Variants in ACCSL observed in about 807,000 individuals in gnomAD.
ACCSL encodes 1-aminocyclopropane-1-carboxylate synthase homolog (inactive) like.
Under a neutral mutation model 61.7 loss-of-function variants are expected in ACCSL, and 55 were observed. The observed-to-expected ratio is 0.89, with a 90% CI of 0.72 to 1.12. ACCSL has a LOEUF of 1.12. Among genes scored for constraint, ACCSL ranks in the 50% most tolerant of loss-of-function variants. The pLI, the probability that ACCSL is intolerant of heterozygous loss-of-function variation, is 0.00. For synonymous variants in ACCSL, 258 were observed against 264.3 expected (o/e 0.98, Z 0.23); for missense variants, 632 against 698.0 (o/e 0.91, Z 1.07).
the ACCSL span, among the ~76,000 whole-genome samples, chr11:44,011,664 C>T: frequency 1.3e-5 from 2 of 152,112 alleles, no homozygotes; most frequent in Admixed American, 1.3e-4. Context: ...TTTTTCTCCT[C>T]CCCAACCAAA....
rs755986502 is a variant in ACCSL at position 44,050,557 on chromosome 11, A to G, written c.570A>G (p.Gln190=). 1.7e-5 allele frequency: 27 copies of G among 1,614,030 alleles called. No individual in the cohort carries two copies. Among genetic ancestry groups the G allele is most frequent in the Non-Finnish European group, 2.2e-5 (26 of 1,179,984 alleles). ...LCMDLMTERL[Q]ESDMNCIEDT... ...CATGTTCTATTTGTCAACAGTTGCA[A>G]GAAAGTGACATGAACTGCATTGAGG... Residue 190 remains glutamine (Q), a synonymous_variant, in exon 3 of 14, where the codon CAA becomes CAG. Transcript: ENST00000378832.
At chr11:43,947,620 A>C in the ACCSL span, among the ~76,000 whole-genome samples, 2 of 152,272 alleles carry the variant, frequency 1.3e-5, no homozygotes, top group South Asian at 4.1e-4. Flanking sequence ...TGACAGAGAG[A>C]AGGCAATGGA....
At chr11:44,049,906 T>C in intron 1 of ACCSL, 156 bp from the exon 2 acceptor site, 1 of 898,634 alleles carries the variant, frequency 1.1e-6, no homozygotes, top group Non-Finnish European at 1.8e-6. Flanking sequence ...TGTACTATTT[T>C]GGGTTCATGG....
chr11:43,931,987 G>T, the ACCSL span, among the ~76,000 whole-genome samples: 1 of 152,214 alleles, frequency 6.6e-6, no homozygotes, highest in Non-Finnish European at 1.5e-5. Flanking sequence ...AGAAGCACAG[G>T]CAGGCCTTAG....
the ACCSL span, among the ~76,000 whole-genome samples, chr11:43,942,065 T>C: frequency 2.0e-3 from 303 of 148,780 alleles, no homozygotes; most frequent in African/African-American, 7.2e-3. Flanking sequence ...TGTGTGTGTG[T>C]GTGTGTGTGT....
At chr11:43,933,924 TG>T in the ACCSL span, among the ~76,000 whole-genome samples, 1 of 152,150 alleles carries the variant, frequency 6.6e-6, no homozygotes, top group Non-Finnish European at 1.5e-5. Flanking sequence ...CCGCTGCAGC[TG>T]GTATCCCATT....
At chr11:43,954,240 G>A in the ACCSL span, among the ~76,000 whole-genome samples, 6 of 152,166 alleles carry the variant, frequency 3.9e-5, no homozygotes, top group African/African-American at 1.4e-4. Flanking sequence ...CTCATTGTTT[G>A]GAGTGATACC....
At chr11:44,033,772 G>A in the ACCSL span, among the ~76,000 whole-genome samples, 1 of 152,126 alleles carries the variant, frequency 6.6e-6, no homozygotes. Flanking sequence ...TGGGGGGAGA[G>A]TAAACAGAAA....
chr11:43,989,182 G>C, the ACCSL span, among the ~76,000 whole-genome samples: 1 of 152,360 alleles, frequency 6.6e-6, no homozygotes, highest in East Asian at 1.9e-4. Flanking sequence ...GCTGGGTTCA[G>C]CTCTGCCGCT....
the ACCSL span, among the ~76,000 whole-genome samples, chr11:44,005,718 C>T: frequency 1.1e-4 from 16 of 152,258 alleles, no homozygotes; most frequent in Admixed American, 2.0e-4. Flanking sequence ...CCTCCTCCCC[C>T]GCCCTCTACC....
At chr11:43,965,586 T>A in the ACCSL span, among the ~76,000 whole-genome samples, 3 of 152,132 alleles carry the variant, frequency 2.0e-5, no homozygotes, top group East Asian at 5.8e-4. Context: ...TTTTAAAAAC[T>A]TTTTTTGCAG....
At chr11:44,038,868 T>A in the ACCSL span, among the ~76,000 whole-genome samples, 1 of 152,202 alleles carries the variant, frequency 6.6e-6, no homozygotes, top group African/African-American at 2.4e-5. Context: ...GTCAGCATTG[T>A]ACTTGTGTCG....
chr11:44,057,998 C>A (rs111273185), intron 11 of ACCSL, among the ~76,000 whole-genome samples: 3 of 152,134 alleles, frequency 2.0e-5, no homozygotes, highest in Admixed American at 1.3e-4. Flanking sequence ...CATGGTGAAA[C>A]CCCATCTCTA....
chr11:43,955,957 G>T, the ACCSL span, among the ~76,000 whole-genome samples: 1 of 151,754 alleles, frequency 6.6e-6, no homozygotes, highest in Admixed American at 6.6e-5. Flanking sequence ...GGTGGTAAAA[G>T]AAAAACTTCA....
chr11:43,934,953 G>A, the ACCSL span, among the ~76,000 whole-genome samples: 2 of 152,134 alleles, frequency 1.3e-5, no homozygotes, highest in African/African-American at 2.4e-5. Context: ...GGGACGATGG[G>A]GGAGGTGGTG....
the ACCSL span, among the ~76,000 whole-genome samples, chr11:43,930,884 G>A: frequency 1.3e-5 from 2 of 152,080 alleles, no homozygotes; most frequent in Non-Finnish European, 2.9e-5. Context: ...TGTACTGTAT[G>A]GCATATGTTT....
the ACCSL span, among the ~76,000 whole-genome samples, chr11:44,030,543 A>G: frequency 6.8e-6 from 1 of 147,516 alleles, no homozygotes; most frequent in African/African-American, 2.4e-5. Context: ...ACCTCCCCTC[A>G]TGGGGAAAGA....
chr11:44,012,398 T>G, the ACCSL span, among the ~76,000 whole-genome samples: 1 of 152,138 alleles, frequency 6.6e-6, no homozygotes. Context: ...GCAATTCTCC[T>G]GCCTCAGCCT....
chr11:43,951,944 T>C, the ACCSL span, among the ~76,000 whole-genome samples: 1 of 152,112 alleles, frequency 6.6e-6, no homozygotes, highest in East Asian at 1.9e-4. Context: ...GAGGTTATAG[T>C]GAGCTGAGAT....
Sources: allele counts gnomAD v4.1 joint callset (sites outside exome capture counted in the v4.1 genomes callset), GRCh38; gene constraint gnomAD v4.1.1; transcripts MANE v1.5; gene names NCBI Gene and HGNC (gene_info 2026-07-23, HGNC 2026-07-21).